Variants in PTK2 observed in about 807,000 individuals in gnomAD.
PTK2 encodes focal adhesion kinase 1.
In PTK2, 45 loss-of-function variants were observed where a neutral mutation model predicts 150.1. The ratio of observed to expected loss-of-function variants is 0.30; its 90% confidence interval spans 0.24 to 0.38. PTK2 has a LOEUF of 0.38. Among genes scored for constraint, PTK2 ranks in the 10% least tolerant of loss-of-function variants. The pLI is 1.00. For missense variants in PTK2, 919 were observed against 1,307.3 expected (o/e 0.70, Z 4.58); for synonymous variants, 432 against 449.2 (o/e 0.96, Z 0.48).
intron 25 of PTK2, among the ~76,000 whole-genome samples, chr8:140,702,128 C>CAAAAAAAAAA (rs749591009): frequency 7.0e-5 from 3 of 42,720 alleles, no homozygotes; most frequent in African/African-American, 9.0e-5. Flanking sequence ...ACTCTGTCTC[C>CAAAAAAAAAA]AAAAAAAAAA....
chr8:140,675,333 C>T (rs1564098953), intron 28 of PTK2, 127 bp downstream of exon 31: 1 of 985,336 alleles, frequency 1.0e-6, no homozygotes, highest in Non-Finnish European at 1.6e-6. Flanking sequence ...AAACATCGTA[C>T]TTGCTGTGGT....
At chr8:140,982,714 T>C (rs2100191900) in intron 1 of PTK2, among the ~76,000 whole-genome samples, 1 of 152,234 alleles carries the variant, frequency 6.6e-6, no homozygotes, top group Non-Finnish European at 1.5e-5. Context: ...TTTAAAGAAA[T>C]GCATCATGAA....
intron 1 of PTK2, among the ~76,000 whole-genome samples, chr8:140,969,371 C>T (rs2100186442): frequency 6.6e-6 from 1 of 152,136 alleles, no homozygotes; most frequent in Non-Finnish European, 1.5e-5. Context: ...ACAAATAATC[C>T]TATAAACAAG....
chr8:140,676,785 AAAAAT>A (rs1470012802), intron 27 of PTK2, among the ~76,000 whole-genome samples: 1 of 146,542 alleles, frequency 6.8e-6, no homozygotes, highest in African/African-American at 2.6e-5. Context: ...AAAAAAAAAA[AAAAAT>A]AGCCAGGTGT....
At chr8:140,993,972 T>A (rs1033368554) in intron 1 of PTK2, among the ~76,000 whole-genome samples, 2 of 152,068 alleles carry the variant, frequency 1.3e-5, no homozygotes, top group Admixed American at 6.6e-5. Flanking sequence ...TCAAGCGATC[T>A]GTCCACCTCG....
chr8:140,675,571 G>A, intron 27 of PTK2, 72 bp from the exon 31 acceptor site: 1 of 1,133,632 alleles, frequency 8.8e-7, no homozygotes, highest in Non-Finnish European at 1.3e-6. Flanking sequence ...CACCCACCCT[G>A]TCTATCCACC....
At chr8:140,845,433 T>C (rs1032622877) in intron 7 of PTK2, among the ~76,000 whole-genome samples, 6 of 152,250 alleles carry the variant, frequency 3.9e-5, no homozygotes, top group East Asian at 3.9e-4. Flanking sequence ...ACTGGCTTCC[T>C]GGCTCCCATG....
chr8:140,700,489 T>C (rs2100029605), intron 26 of PTK2, among the ~76,000 whole-genome samples: 1 of 148,772 alleles, frequency 6.7e-6, no homozygotes, highest in Non-Finnish European at 1.5e-5. Flanking sequence ...TTCAAGTAGT[T>C]TTTTTTTTTT....
chr8:140,731,918 C>CA (rs1468497919), intron 22 of PTK2, among the ~76,000 whole-genome samples: 2 of 152,050 alleles, frequency 1.3e-5, no homozygotes, highest in Non-Finnish European at 2.9e-5. Flanking sequence ...ATAAAATACA[C>CA]ACGCATACAC....
intron 4 of PTK2, among the ~76,000 whole-genome samples, chr8:140,870,655 A>T (rs2100141968): frequency 6.6e-6 from 1 of 152,192 alleles, no homozygotes; most frequent in Non-Finnish European, 1.5e-5. Flanking sequence ...ACAAACTGCA[A>T]GCAAAGGGGA....
intron 1 of PTK2, among the ~76,000 whole-genome samples, chr8:140,961,723 A>G (rs2100183277): frequency 2.6e-5 from 4 of 152,116 alleles, no homozygotes; most frequent in Admixed American, 1.3e-4. Flanking sequence ...CCAAGTTAAT[A>G]CTAGAGAGCT....
chr8:140,757,956 C>T (rs1357363884), intron 16 of PTK2, among the ~76,000 whole-genome samples: 2 of 152,054 alleles, frequency 1.3e-5, no homozygotes, highest in Non-Finnish European at 2.9e-5. Context: ...AAGTATAGTA[C>T]ATACAATTAT....
At chr8:140,964,345 G>A (rs2100184455) in intron 1 of PTK2, among the ~76,000 whole-genome samples, 2 of 151,854 alleles carry the variant, frequency 1.3e-5, no homozygotes. Context: ...TCCCACCTGA[G>A]CCTCCCTCAG....
chr8:140,778,570 T>C (rs2100079746), intron 14 of PTK2, among the ~76,000 whole-genome samples: 1 of 152,202 alleles, frequency 6.6e-6, no homozygotes, highest in South Asian at 2.1e-4. Context: ...GGCTGTGAGA[T>C]GGAATTGAAA....
intron 22 of PTK2, among the ~76,000 whole-genome samples, chr8:140,733,757 G>A (rs1374530084): frequency 6.6e-6 from 1 of 152,170 alleles, no homozygotes; most frequent in Non-Finnish European, 1.5e-5. Flanking sequence ...TACCCTGAAG[G>A]CCTATCGTGT....
At chr8:140,824,673 T>C (rs550062263) in intron 8 of PTK2, among the ~76,000 whole-genome samples, 1 of 152,202 alleles carries the variant, frequency 6.6e-6, no homozygotes, top group Non-Finnish European at 1.5e-5. Context: ...TTAGAAAGCA[T>C]TAGTTCTTTC....
At chr8:140,912,645 G>A (rs2100163670) in intron 2 of PTK2, among the ~76,000 whole-genome samples, 1 of 151,930 alleles carries the variant, frequency 6.6e-6, no homozygotes, top group Admixed American at 6.6e-5. Context: ...CCTAAGAATT[G>A]AAAGGAACCT....
chr8:140,934,278 T>A (rs1416138099), intron 1 of PTK2, among the ~76,000 whole-genome samples: 1 of 152,130 alleles, frequency 6.6e-6, no homozygotes, highest in African/African-American at 2.4e-5. Flanking sequence ...GTCAGTGTCA[T>A]GCGCCTGTAG....
At chr8:140,796,859 C>T (rs2100091917) in intron 12 of PTK2, among the ~76,000 whole-genome samples, 1 of 152,154 alleles carries the variant, frequency 6.6e-6, no homozygotes, top group Non-Finnish European at 1.5e-5. Flanking sequence ...TATAAATACA[C>T]AAGTTTGGAG....
Sources: gnomAD v4.1 joint callset for allele counts (sites outside exome capture counted in the v4.1 genomes callset) on GRCh38, gnomAD v4.1.1 for gene constraint, MANE v1.5 for transcripts, NCBI Gene and HGNC (gene_info 2026-07-23, HGNC 2026-07-21) for gene names.